Variants in ZNF133 observed in about 807,000 individuals in gnomAD.
ZNF133 encodes the protein zinc finger protein 133.
In ZNF133, 26 loss-of-function variants were observed where a neutral mutation model predicts 54.9. The observed-to-expected ratio is 0.47, with a 90% CI of 0.35 to 0.66. ZNF133 has a LOEUF of 0.66. ZNF133 is among the 30% of genes least tolerant of loss of function. The pLI, the probability that ZNF133 is intolerant of heterozygous loss-of-function variation, is 0.01. For synonymous variants in ZNF133, 298 were observed against 320.3 expected (o/e 0.93, Z 0.74); for missense variants, 653 against 820.8 (o/e 0.80, Z 2.50).
intron 3 of ZNF133, among the ~76,000 whole-genome samples, chr20:18,304,145 T>A (rs1320217847): frequency 6.6e-6 from 1 of 152,170 alleles, no homozygotes; most frequent in Non-Finnish European, 1.5e-5. Flanking sequence ...AATAAGCACC[T>A]GAAAAGATGT....
At position 18,298,741 on chromosome 20, in the gene ZNF133, A is replaced by G. The variant is rs575960042; in HGVS notation, c.-178+277A>G. On this transcript the variant is annotated intron_variant, in intron 3 of 6. Transcript: ENST00000425686. ...CACTGGCTAAAGTGGCTTTTAGGGG[A>G]TTTAAGGAGCCAGAGTCTGTTTTCC... 5.9e-5 allele frequency among the ~76,000 whole-genome samples: 9 copies of G among 152,234 alleles called. No individual in the cohort carries two copies. The South Asian group carries it at 1.9e-3, about 32-fold the overall frequency.
At chr20:18,300,727 G>A (rs2043188589) in intron 3 of ZNF133, among the ~76,000 whole-genome samples, 2 of 152,022 alleles carry the variant, frequency 1.3e-5, no homozygotes, top group Admixed American at 1.3e-4. Flanking sequence ...AGATAAGGAA[G>A]ACATTAATAC....
chr20:18,306,638 C>T, intron 6 of ZNF133: 10 of 1,176,058 alleles, frequency 8.5e-6, no homozygotes, highest in East Asian at 3.3e-5. Context: ...TGGGTTTCTC[C>T]TCTCTAGCTC....
chr20:18,291,787 AC>A (rs1286938279), intron 1 of ZNF133, among the ~76,000 whole-genome samples: 8 of 149,648 alleles, frequency 5.3e-5, no homozygotes. Flanking sequence ...ATCTCGGCTT[AC>A]TGCAACCTCC....
chr20:18,316,587 T>C lies in ZNF133; in HGVS notation c.1736T>C (p.Val579Ala). Residue 579 changes from valine (V) to alanine (A), a missense_variant, in exon 7 of 7, where the codon GTG (valine) becomes GCG (alanine). Val to Ala is a moderately conservative substitution (Grantham distance 64, BLOSUM62 0). Around this residue, in one of 4 missense-constraint regions of ZNF133, gnomAD observed 129 missense variants for 138.5 expected, o/e 0.93. Transcript: ENST00000425686. ...KRAHSEEKPC[V>A]CRECGQGFLQ... ...GCTCACTCGGAAGAGAAGCCTTGTG[T>C]GTGCAGAGAGTGTGGCCAAGGCTTT... The C allele has an allele frequency of 1.2e-6, 2 of 1,614,100 alleles. No individual in the cohort carries two copies. Among genetic ancestry groups the C allele is most frequent in the Middle Eastern group, 1.6e-4 (1 of 6,062 alleles).
At position 18,315,897 on chromosome 20, in the gene ZNF133, TGGA is replaced by T. The variant is rs2047346125; in HGVS notation, c.1051_1053del (p.Glu351del). Reference sequence around the variant, plus strand: ...GTCGTGAGACACCAGAGGACACACTTGGAGGAGAAGACCATCGTGTGCAGTGAC... The same window carrying T: ...GTCGTGAGACACCAGAGGACACACTTGGAGAAGACCATCGTGTGCAGTGAC... On this transcript the variant is annotated inframe_deletion, in exon 7 of 7. Transcript: ENST00000425686. The T allele has an allele frequency of 2.5e-6, 4 of 1,612,176 alleles. No individual in the cohort carries two copies. Among genetic ancestry groups the T allele is most frequent in the African/African-American group, 1.3e-5 (1 of 74,190 alleles).
intron 6 of ZNF133, chr20:18,310,405 AGTAT>A: frequency 2.3e-6 from 3 of 1,306,474 alleles, no homozygotes; most frequent in Non-Finnish European, 3.0e-6. Context: ...TTACAAGAAA[AGTAT>A]TTAATTTTCT....
chr20:18,295,563 A>G (rs780789717), intron 1 of ZNF133: 11 of 152,180 alleles, frequency 7.2e-5, no homozygotes, highest in Non-Finnish European at 1.5e-4. Context: ...CTTTCTGTTC[A>G]TTAATTTATG....
rs758112841 is a variant in ZNF133 at position 18,315,976 on chromosome 20, G to GC, written c.1126dup (p.His376ProfsTer73). The GC allele has an allele frequency of 6.2e-7, 1 of 1,611,438 alleles. No individual in the cohort carries two copies. Among genetic ancestry groups the GC allele is most frequent in the Non-Finnish European group, 8.5e-7 (1 of 1,179,274 alleles). On this transcript the variant is annotated frameshift_variant, in exon 7 of 7. Transcript: ENST00000425686. LOFTEE classifies it high-confidence loss of function. ...CAAACCTCATCTCCCACCAGAGGAC[G>GC]CACTCTGGGGAGAAGCCCTACGCCT...
In ZNF133 at chr20:18,291,531, G is replaced by A. The variant is rs906106738; in HGVS notation, c.-432+2927G>A. 3.5e-4 allele frequency among the ~76,000 whole-genome samples: 53 copies of A among 151,716 alleles called. 1 individual carries two copies. Among genetic ancestry groups the A allele is most frequent in the African/African-American group, 1.1e-3 (47 of 41,314 alleles). ...CTTCCTTCCCTCCCAAATTTCCACC[G>A]TGGAAAAGGCCCTGCTTCAGTTCTT... On this transcript the variant is annotated intron_variant, in intron 1 of 6. Transcript: ENST00000425686.
Position 18,305,829 on chromosome 20 carries a change from ATT to A in ZNF133, c.121+23_121+24del. ...CTGGGTAAGCCTGATATCTGTTAGGATTCCCATTCTTATTGCTGGGAATTTTA... is the reference window on the plus strand; with the variant it reads ...CTGGGTAAGCCTGATATCTGTTAGGACCCATTCTTATTGCTGGGAATTTTA... On this transcript the variant is annotated intron_variant, in intron 5 of 6. Coordinates refer to ENST00000425686, the MANE Select transcript of ZNF133 (RefSeq NM_001352452.2). This position sits in a 1 kb window ranked among gnomAD's most constrained non-coding sequence, Gnocchi z 4.7. 1 of 1,585,312 alleles carries A rather than the reference ATT, an allele frequency of 6.3e-7. No individual in the cohort carries two copies. Among genetic ancestry groups the A allele is most frequent in the Non-Finnish European group, 8.6e-7 (1 of 1,164,266 alleles).
Position 18,315,381 on chromosome 20 carries a change from C to G in ZNF133, c.530C>G (p.Ser177Cys). 2 of 1,614,174 alleles carry G rather than the reference C, an allele frequency of 1.2e-6. No homozygotes were observed. The highest frequency in any genetic ancestry group is 1.1e-5 in the South Asian group (1 of 91,086). ...SRPPQRQPVS[S>C]RNGLRGVELE... ...CCACCCCAGAGGCAGCCAGTCAGCT[C>G]TCGGAACGGCCTCAGAGGGGTGGAG... is the stretch of plus-strand genomic sequence containing the variant. Residue 177 changes from serine to cysteine, a missense_variant, in exon 7 of 7, where the codon TCT becomes TGT. Ser to Cys is a moderately radical substitution (Grantham distance 112). Transcript: ENST00000425686.
chr20:18,311,234 T>A (rs1299461936), intron 6 of ZNF133, among the ~76,000 whole-genome samples: 1 of 152,116 alleles, frequency 6.6e-6, no homozygotes, highest in Non-Finnish European at 1.5e-5. Flanking sequence ...GGAGGGAGGA[T>A]TGCTCGAGCC....
chr20:18,304,939 T>C, intron 3 of ZNF133, 69 bp from the exon 4 acceptor site: 1 of 935,816 alleles, frequency 1.1e-6, no homozygotes, highest in Non-Finnish European at 1.3e-6. Context: ...TTCCCTTGAT[T>C]CCAACCCATT....
chr20:18,290,924 C>T (rs929132716), intron 1 of ZNF133, among the ~76,000 whole-genome samples: 2 of 152,110 alleles, frequency 1.3e-5, no homozygotes, highest in Non-Finnish European at 2.9e-5. Flanking sequence ...GTCAGGAGTT[C>T]GAGACCAGCC....
chr20:18,307,744 T>C (rs1472488027), intron 6 of ZNF133, among the ~76,000 whole-genome samples: 1 of 152,180 alleles, frequency 6.6e-6, no homozygotes, highest in Non-Finnish European at 1.5e-5. Flanking sequence ...TGGTCTGTCT[T>C]CAAGTTTACT....
At chr20:18,290,610 T>TA (rs35769235) in intron 1 of ZNF133, among the ~76,000 whole-genome samples, 8,966 of 150,744 alleles carry the variant, frequency 0.059, 357 homozygotes, top group Admixed American at 0.11. Flanking sequence ...CCCCCATTGT[T>TA]AAAAAAAAAA....
Position 18,316,395 on chromosome 20 carries a change from C to T in ZNF133, c.1544C>T (p.Thr515Met), listed in dbSNP as rs1159612888. ...TCAAACCTTGTTGCACACCAGAGGA[C>T]GCACTCAGGGGAGAGGCCGTATGTG... ...QKSNLVAHQR[T>M]HSGERPYVCR... Residue 515 changes from threonine to methionine, a missense_variant, in exon 7 of 7, where the codon ACG (threonine) becomes ATG (methionine). Around this residue, in one of 4 missense-constraint regions of ZNF133, gnomAD observed 292 missense variants for 431.6 expected, o/e 0.68. Transcript: ENST00000425686. The T allele has an allele frequency of 1.5e-5, 24 of 1,613,750 alleles. No individual in the cohort carries two copies. The highest frequency in any genetic ancestry group is 4.0e-5 in the African/African-American group (3 of 74,866).
intron 1 of ZNF133, among the ~76,000 whole-genome samples, chr20:18,290,623 T>A (rs2040736402): frequency 6.6e-6 from 1 of 151,990 alleles, no homozygotes; most frequent in African/African-American, 2.4e-5. Context: ...AAAAAAAATC[T>A]TTTTTTTCCA....
Sources: allele counts gnomAD v4.1 joint callset (sites outside exome capture counted in the v4.1 genomes callset), GRCh38; gene constraint gnomAD v4.1.1; regional missense constraint gnomAD v4.1.1; non-coding constraint Gnocchi (gnomAD v3.1); transcripts MANE v1.5; gene names NCBI Gene and HGNC (gene_info 2026-07-23, HGNC 2026-07-21).